The following GNG7 variants were observed in gnomAD, a reference collection of about 807,000 sequenced individuals.
GNG7 encodes guanine nucleotide-binding protein G(I)/G(S)/G(O) subunit gamma-7.
GNG7 carries 1 observed loss-of-function variant against 4.0 expected under a neutral mutation model. The ratio of observed to expected loss-of-function variants is 0.25; its 90% CI spans 0.09 to 1.18. GNG7 has a LOEUF of 1.18. Among genes scored for constraint, GNG7 ranks in the 50% most tolerant of loss-of-function variants. The pLI, the probability that GNG7 is intolerant of heterozygous loss-of-function variation, is 0.50. For missense variants in GNG7, 86 were observed against 91.9 expected (o/e 0.94, Z 0.26); for synonymous variants, 34 against 36.9 (o/e 0.92, Z 0.29).
chr19:2,643,083 C>T (rs757318622), intron 2 of GNG7: 12 of 453,182 alleles, frequency 2.6e-5, no homozygotes, highest in South Asian at 1.9e-4. Flanking sequence ...ACCTTTCCGC[C>T]TTGCGCCATT....
intron 2 of GNG7, among the ~76,000 whole-genome samples, chr19:2,588,143 T>C (rs1204831567): frequency 6.6e-6 from 1 of 152,162 alleles, no homozygotes; most frequent in Admixed American, 6.5e-5. Flanking sequence ...GTACAATTTG[T>C]GCAGCAGAAA....
chr19:2,575,810 GAC>G (rs1408496876), intron 2 of GNG7, among the ~76,000 whole-genome samples: 27 of 112,594 alleles, frequency 2.4e-4, no homozygotes, highest in African/African-American at 9.6e-4. Context: ...CAGACATGCA[GAC>G]ACACGCAGGC....
chr19:2,634,010 C>T lies in GNG7; in HGVS notation c.-78+12214G>A, dbSNP rs1172520599. ...TTCCACGGACCCCCAAGAGACTCCG[C>T]GTCCCATGATCCTCTGCCCTGCTGA... On this transcript the variant is annotated intron_variant, in intron 2 of 4. Coordinates refer to ENST00000382159, the MANE Select transcript of GNG7 (RefSeq NM_052847.3). The surrounding 1 kb of genome is among the most constrained non-coding windows in gnomAD (Gnocchi z 5.3). Among the ~76,000 whole-genome samples, 6 of 152,082 alleles carry T rather than the reference C, an allele frequency of 3.9e-5. No homozygotes were observed. In the East Asian group the frequency reaches 5.8e-4, roughly 15 times the overall value.
chr19:2,689,112 A>C (rs1913073124), intron 1 of GNG7, among the ~76,000 whole-genome samples: 1 of 151,936 alleles, frequency 6.6e-6, no homozygotes, highest in African/African-American at 2.4e-5. Flanking sequence ...TTAATGGCAA[A>C]GACCACAATT....
chr19:2,605,005 T>C (rs1023907241), intron 2 of GNG7, among the ~76,000 whole-genome samples: 2 of 152,068 alleles, frequency 1.3e-5, no homozygotes, highest in African/African-American at 4.8e-5. Flanking sequence ...GGAAATGGAT[T>C]CTCTATGGCT....
chr19:2,620,311 C>G (rs5024548), intron 2 of GNG7, among the ~76,000 whole-genome samples: 7,728 of 150,186 alleles, frequency 0.051, 696 homozygotes, highest in African/African-American at 0.18. Flanking sequence ...CCCCTGCACC[C>G]TGGCTACAGG....
At chr19:2,603,049 CTTTT>C (rs1429017397) in intron 2 of GNG7, among the ~76,000 whole-genome samples, 2 of 137,908 alleles carry the variant, frequency 1.5e-5, no homozygotes, top group African/African-American at 2.7e-5. Flanking sequence ...TTCTTTCTTT[CTTTT>C]TCTCTTTTCT....
intron 2 of GNG7, among the ~76,000 whole-genome samples, chr19:2,629,645 G>A (rs1477817190): frequency 2.0e-5 from 3 of 152,206 alleles, no homozygotes; most frequent in African/African-American, 7.2e-5. Flanking sequence ...GAAGAGCGTA[G>A]CCCTGAACGC....
chr19:2,699,817 T>TA (rs2144665133), intron 1 of GNG7, among the ~76,000 whole-genome samples: 1 of 152,276 alleles, frequency 6.6e-6, no homozygotes, highest in African/African-American at 2.4e-5. Context: ...AGCGCTGGGA[T>TA]AGAGAGACCC....
At chr19:2,562,255 C>T (rs1979764183) in intron 2 of GNG7, among the ~76,000 whole-genome samples, 1 of 150,614 alleles carries the variant, frequency 6.6e-6, no homozygotes, top group African/African-American at 2.4e-5. Flanking sequence ...CACACATCTA[C>T]AGCGGGTTCC....
At chr19:2,696,559 C>T (rs980346002) in intron 1 of GNG7, among the ~76,000 whole-genome samples, 6 of 152,176 alleles carry the variant, frequency 3.9e-5, no homozygotes, top group African/African-American at 7.2e-5. Flanking sequence ...CAAAAGCGGC[C>T]GAGCGTGTGT....
intron 2 of GNG7, among the ~76,000 whole-genome samples, chr19:2,638,473 GAA>G (rs1982385266): frequency 1.5e-4 from 4 of 26,224 alleles, no homozygotes; most frequent in African/African-American, 5.1e-4. Context: ...AAGGGGAGGG[GAA>G]GGGGAGGGGA....
At chr19:2,586,535 G>T (rs1203557661) in intron 2 of GNG7, among the ~76,000 whole-genome samples, 17 of 152,184 alleles carry the variant, frequency 1.1e-4, no homozygotes, top group Non-Finnish European at 1.0e-4. Context: ...AGGATGGGGA[G>T]GGAAGGACAC....
At chr19:2,635,102 G>A (rs1163932709) in intron 2 of GNG7, among the ~76,000 whole-genome samples, 1 of 152,248 alleles carries the variant, frequency 6.6e-6, no homozygotes, top group Admixed American at 6.5e-5. Context: ...GCAGGCTGCT[G>A]AGCAGCGTCC....
intron 2 of GNG7, among the ~76,000 whole-genome samples, chr19:2,640,119 G>T (rs1470786069): frequency 8.7e-6 from 1 of 115,194 alleles, no homozygotes; most frequent in Non-Finnish European, 1.9e-5. Flanking sequence ...GAGGGAGGGA[G>T]GGGAGGAGGG....
chr19:2,568,148 CACACACATACACAT>C (rs1273592509), intron 2 of GNG7, among the ~76,000 whole-genome samples: 2 of 149,136 alleles, frequency 1.3e-5, no homozygotes, highest in African/African-American at 5.1e-5. Context: ...TATACACATG[CACACACATACACAT>C]ACATACACAC....
chr19:2,664,587 C>T (rs1210446688), intron 1 of GNG7, among the ~76,000 whole-genome samples: 2 of 152,178 alleles, frequency 1.3e-5, no homozygotes, highest in African/African-American at 4.8e-5. Flanking sequence ...AACAATCAGA[C>T]GGTTGGCTCT....
intron 3 of GNG7, among the ~76,000 whole-genome samples, chr19:2,552,126 T>C (rs1979352377): frequency 6.6e-6 from 1 of 152,036 alleles, no homozygotes; most frequent in South Asian, 2.1e-4. Context: ...GGTTGCACGC[T>C]CCTTATGAGA....
intron 3 of GNG7, among the ~76,000 whole-genome samples, chr19:2,549,059 G>A (rs747523924): frequency 1.5e-4 from 22 of 150,854 alleles, no homozygotes; most frequent in Admixed American, 4.6e-4. Flanking sequence ...CTGCAAACCC[G>A]AGGGACCCCA....
Sources: allele counts gnomAD v4.1 joint callset (sites outside exome capture counted in the v4.1 genomes callset), GRCh38; gene constraint gnomAD v4.1.1; non-coding constraint Gnocchi (gnomAD v3.1); transcripts MANE v1.5; gene names NCBI Gene and HGNC (gene_info 2026-07-23, HGNC 2026-07-21).